RBFOX1: variants seen among roughly 807,000 people sequenced by gnomAD.
The protein encoded by RBFOX1 is RNA binding protein fox-1 homolog 1.
In RBFOX1, 8 loss-of-function variants were observed where a neutral mutation model predicts 57.7. That is an observed-to-expected ratio of 0.14 (90% confidence interval 0.08 to 0.25). The LOEUF (loss-of-function observed/expected upper bound fraction) is 0.25. Among genes scored for constraint, RBFOX1 ranks in the 10% least tolerant of loss-of-function variants. The pLI is 1.00. For missense variants in RBFOX1, 611 were observed against 548.5 expected, an observed-to-expected ratio of 1.11 and a Z score of -1.14; for synonymous variants, 326 against 222.4, an observed-to-expected ratio of 1.47 and a Z score of -4.15.
chr16:5,665,691 C>A (rs984226050), intron 3 of RBFOX1, among the ~76,000 whole-genome samples: 2 of 152,194 alleles, frequency 1.3e-5, no homozygotes, highest in African/African-American at 4.8e-5. Context: ...TTCCCTCTAA[C>A]TGTTTCTCCA....
At chr16:5,693,088 A>G (rs1596787165) in intron 3 of RBFOX1, among the ~76,000 whole-genome samples, 2 of 152,174 alleles carry the variant, frequency 1.3e-5, no homozygotes, top group Non-Finnish European at 2.9e-5. Flanking sequence ...TCTGGTTGCT[A>G]TGGAAGAGAG....
At chr16:5,728,143 A>G (rs1391180215) in intron 3 of RBFOX1, among the ~76,000 whole-genome samples, 1 of 152,238 alleles carries the variant, frequency 6.6e-6, no homozygotes, top group African/African-American at 2.4e-5. Context: ...TCTCAAAGAG[A>G]TATCTGTGTC....
intron 4 of RBFOX1, among the ~76,000 whole-genome samples, chr16:7,139,047 G>A (rs896780661): frequency 1.3e-5 from 2 of 151,992 alleles, no homozygotes; most frequent in South Asian, 2.1e-4. Flanking sequence ...CAAGTGATCT[G>A]CCTTCCTTGC....
intron 1 of RBFOX1, among the ~76,000 whole-genome samples, chr16:5,303,195 G>A (rs1265756720): frequency 6.6e-6 from 1 of 152,178 alleles, no homozygotes; most frequent in Non-Finnish European, 1.5e-5. Flanking sequence ...TTACTGCAGT[G>A]GATGCCTCAC....
intron 1 of RBFOX1, among the ~76,000 whole-genome samples, chr16:6,301,519 A>G (rs2152743422): frequency 6.6e-6 from 1 of 152,266 alleles, no homozygotes; most frequent in East Asian, 1.9e-4. Flanking sequence ...GTTTCCGGAG[A>G]TGTGAGTAAA....
chr16:6,383,780 A>G (rs1490578407), intron 2 of RBFOX1, among the ~76,000 whole-genome samples: 1 of 152,070 alleles, frequency 6.6e-6, no homozygotes, highest in East Asian at 1.9e-4. Context: ...GGAAAAAAAA[A>G]AAGAAAAGAA....
At chr16:6,815,218 G>A (rs892027600) in intron 3 of RBFOX1, among the ~76,000 whole-genome samples, 2 of 152,154 alleles carry the variant, frequency 1.3e-5, no homozygotes, top group African/African-American at 4.8e-5. Flanking sequence ...ATAGTGAAGA[G>A]TGAGGATGAC....
At chr16:7,423,979 A>T (rs1338690561) in intron 4 of RBFOX1, among the ~76,000 whole-genome samples, 1 of 152,178 alleles carries the variant, frequency 6.6e-6, no homozygotes, top group Non-Finnish European at 1.5e-5. Flanking sequence ...AAAAGCTAAT[A>T]GGATGGAGAA....
chr16:6,558,692 G>A (rs1382991961), intron 2 of RBFOX1, among the ~76,000 whole-genome samples: 1 of 152,058 alleles, frequency 6.6e-6, no homozygotes, highest in Non-Finnish European at 1.5e-5. Context: ...CCAAACAGGT[G>A]CTTATTCATT....
intron 3 of RBFOX1, among the ~76,000 whole-genome samples, chr16:5,710,538 G>A (rs1445244133): frequency 1.3e-5 from 2 of 152,198 alleles, no homozygotes; most frequent in Non-Finnish European, 2.9e-5. Context: ...TGGCACATGG[G>A]TTCTCTCAAG....
At chr16:5,740,512 C>G (rs1450194203) in intron 3 of RBFOX1, among the ~76,000 whole-genome samples, 1 of 152,196 alleles carries the variant, frequency 6.6e-6, no homozygotes, top group South Asian at 2.1e-4. Flanking sequence ...TCAGTTAGGA[C>G]TCAATTGATT....
intron 2 of RBFOX1, among the ~76,000 whole-genome samples, chr16:5,476,384 C>T (rs1381708735): frequency 6.6e-6 from 1 of 152,172 alleles, no homozygotes; most frequent in Non-Finnish European, 1.5e-5. Context: ...GGCTGCTGTT[C>T]CTAATGCCTT....
intron 3 of RBFOX1, among the ~76,000 whole-genome samples, chr16:5,831,638 C>T (rs1597417408): frequency 6.6e-6 from 1 of 151,960 alleles, no homozygotes; most frequent in South Asian, 2.1e-4. Context: ...TACAGGTGCC[C>T]ACCACCACGC....
At chr16:6,541,601 G>T (rs976973730) in intron 2 of RBFOX1, among the ~76,000 whole-genome samples, 1 of 152,144 alleles carries the variant, frequency 6.6e-6, no homozygotes, top group Non-Finnish European at 1.5e-5. Flanking sequence ...AAATAGAGGA[G>T]GGATAGGATA....
At chr16:7,267,601 T>G (rs2095197133) in intron 4 of RBFOX1, among the ~76,000 whole-genome samples, 2 of 150,782 alleles carry the variant, frequency 1.3e-5, no homozygotes, top group African/African-American at 4.9e-5. Flanking sequence ...ATGTCTGTAA[T>G]CGTAGTACTT....
At chr16:6,836,747 A>G (rs891433420) in intron 3 of RBFOX1, among the ~76,000 whole-genome samples, 3 of 152,162 alleles carry the variant, frequency 2.0e-5, no homozygotes, top group Non-Finnish European at 4.4e-5. Context: ...TTATTTTCTT[A>G]AAGTATAACA....
chr16:7,705,994 C>G (rs569471778), intron 14 of RBFOX1, among the ~76,000 whole-genome samples: 112 of 152,212 alleles, frequency 7.4e-4, no homozygotes, highest in Middle Eastern at 6.8e-3. Context: ...ACATGGCGAC[C>G]GTAAGACCTC....
intron 4 of RBFOX1, among the ~76,000 whole-genome samples, chr16:7,342,418 G>T (rs999024656): frequency 1.3e-5 from 2 of 152,166 alleles, no homozygotes; most frequent in African/African-American, 4.8e-5. Context: ...ACCTGTCTGC[G>T]GGGATGGTCA....
intron 2 of RBFOX1, among the ~76,000 whole-genome samples, chr16:6,602,250 T>G (rs893907646): frequency 6.6e-6 from 1 of 152,218 alleles, no homozygotes; most frequent in Non-Finnish European, 1.5e-5. Flanking sequence ...TTGGCAAATA[T>G]TCTCTCCCAT....
Sources: allele counts gnomAD v4.1 joint callset (sites outside exome capture counted in the v4.1 genomes callset), GRCh38; gene constraint gnomAD v4.1.1; transcripts MANE v1.5; gene names NCBI Gene and HGNC (gene_info 2026-07-23, HGNC 2026-07-21).